APBB1IP: variants seen among roughly 807,000 people sequenced by gnomAD.
APBB1IP encodes the protein amyloid beta A4 precursor protein-binding family B member 1-interacting protein.
APBB1IP carries 27 observed loss-of-function variants against 64.9 expected under a neutral mutation model. The ratio of observed to expected loss-of-function variants is 0.42; its 90% CI spans 0.31 to 0.57. APBB1IP has a LOEUF of 0.57. APBB1IP is among the 20% of genes least tolerant of loss of function. The probability of loss-of-function intolerance (pLI) is 0.20; values close to 1 mark genes in which losing one functional copy is unlikely to be tolerated. For missense variants in APBB1IP, 812 were observed against 845.5 expected (o/e 0.96, Z 0.49); for synonymous variants, 392 against 331.0 (o/e 1.18, Z -2.00).
chr10:26,451,056 T>C (rs535869780), intron 2 of APBB1IP, among the ~76,000 whole-genome samples: 1 of 152,198 alleles, frequency 6.6e-6, no homozygotes, highest in East Asian at 1.9e-4. Context: ...TTAACTATTA[T>C]AGATTGGCAA....
At position 26,533,458 on chromosome 10, in the gene APBB1IP, G is replaced by A. The variant is rs774280231; in HGVS notation, c.833G>A (p.Arg278Lys). The A allele has an allele frequency of 1.3e-5, 21 of 1,599,114 alleles. No individual in the cohort carries two copies. The highest frequency in any genetic ancestry group is 1.8e-5 in the Non-Finnish European group (21 of 1,171,498). ...ATTTAGAATTTCTACTTGGATAACA[G>A]AGGAAAAAAAGAAAGCAAGGAAACT... ...KNPQNFYLDNRGKKESKETNE... is the reference protein window; with the variant it reads ...KNPQNFYLDNKGKKESKETNE... The change falls in exon 9 of 15, where the codon AGA becomes AAA. Residue 278 changes from arginine (R) to lysine (K), a missense_variant. Arg to Lys is a conservative substitution (Grantham distance 26). Around this residue, in one of 3 missense-constraint regions of APBB1IP, gnomAD observed 394 missense variants for 413.1 expected, o/e 0.95. Coordinates refer to ENST00000376236, the MANE Select transcript of APBB1IP (RefSeq NM_019043.4).
intron 8 of APBB1IP, among the ~76,000 whole-genome samples, chr10:26,529,211 G>A (rs1400165705): frequency 6.6e-6 from 1 of 152,206 alleles, no homozygotes; most frequent in African/African-American, 2.4e-5. Context: ...AGGATATAAT[G>A]ACTAAACGTT....
At chr10:26,459,747 A>G (rs1031719914) in intron 2 of APBB1IP, among the ~76,000 whole-genome samples, 1 of 152,024 alleles carries the variant, frequency 6.6e-6, no homozygotes, top group African/African-American at 2.4e-5. Context: ...CATTTTCATT[A>G]TTGTTGTATC....
At chr10:26,476,429 A>G (rs1835775918) in intron 2 of APBB1IP, among the ~76,000 whole-genome samples, 1 of 131,466 alleles carries the variant, frequency 7.6e-6, no homozygotes, top group Non-Finnish European at 1.6e-5. Context: ...TCTGTGTGAC[A>G]GAGCAAGACC....
chr10:26,567,800 G>A lies in APBB1IP; in HGVS notation c.*312G>A, dbSNP rs1837077079. On this transcript the variant is annotated 3_prime_UTR_variant, in exon 15 of 15. Transcript: ENST00000376236. The stretch of plus-strand genomic sequence containing the variant: ...TCAAATAAAAGTTAAACGTTTTTCC[G>A]GAAGACGGTATTTCTAGAAAGATTA... The A allele has an allele frequency of 2.0e-5, 7 of 345,674 alleles. No individual in the cohort carries two copies. The highest frequency in any genetic ancestry group is 1.4e-4 in the South Asian group (5 of 36,136). The allele number at this position is 345,674 out of a possible 1,614,324, so 21.4% of individuals were successfully genotyped here. A position where few individuals can be genotyped will look rare whatever the true frequency, so the allele number is the denominator to read the frequency against.
intron 11 of APBB1IP, among the ~76,000 whole-genome samples, chr10:26,551,416 G>A (rs1564376391): frequency 6.6e-6 from 1 of 152,172 alleles, no homozygotes; most frequent in Admixed American, 6.5e-5. Flanking sequence ...CCGTCCAACT[G>A]CGGTTTCACT....
chr10:26,470,437 G>C (rs1006431419), intron 2 of APBB1IP, among the ~76,000 whole-genome samples: 1 of 152,162 alleles, frequency 6.6e-6, no homozygotes, highest in Non-Finnish European at 1.5e-5. Context: ...TACTAGGGAG[G>C]CTGAGGCAGG....
At chr10:26,535,507 A>G (rs1348191505) in intron 9 of APBB1IP, among the ~76,000 whole-genome samples, 1 of 152,154 alleles carries the variant, frequency 6.6e-6, no homozygotes, top group East Asian at 1.9e-4. Flanking sequence ...TTAAGTTATT[A>G]TTGACTATAG....
intron 2 of APBB1IP, among the ~76,000 whole-genome samples, chr10:26,464,852 A>T (rs910074827): frequency 1.3e-5 from 2 of 152,230 alleles, no homozygotes; most frequent in Non-Finnish European, 2.9e-5. Flanking sequence ...TTCACACCTA[A>T]TAAGTTTTCT....
intron 14 of APBB1IP, among the ~76,000 whole-genome samples, chr10:26,563,492 C>A (rs1326754321): frequency 6.6e-6 from 1 of 152,042 alleles, no homozygotes; most frequent in Non-Finnish European, 1.5e-5. Context: ...TGGTATAATT[C>A]TCCATAAAAT....
chr10:26,506,250 TGG>T (rs60855722), intron 6 of APBB1IP, among the ~76,000 whole-genome samples: 2,411 of 62,424 alleles, frequency 0.039, 90 homozygotes, highest in African/African-American at 0.14. Context: ...CGTGTGTGTG[TGG>T]GGGGGGGGGG....
chr10:26,533,414 T>A, intron 8 of APBB1IP, 25 bp from the exon 9 acceptor site: 1 of 1,454,386 alleles, frequency 6.9e-7, no homozygotes, highest in Non-Finnish European at 9.5e-7. Flanking sequence ...CACTTACTGA[T>A]CTGATCTTTT....
At chr10:26,521,223 G>A (rs1185631097) in intron 8 of APBB1IP, among the ~76,000 whole-genome samples, 2 of 152,166 alleles carry the variant, frequency 1.3e-5, no homozygotes, top group African/African-American at 4.8e-5. Flanking sequence ...TGGTGAGGGT[G>A]CAAGACCATC....
intron 3 of APBB1IP, among the ~76,000 whole-genome samples, chr10:26,494,587 G>A (rs2132432267): frequency 6.6e-6 from 1 of 152,268 alleles, no homozygotes. Flanking sequence ...CAGCACTTTG[G>A]GAGGCCGAGG....
intron 9 of APBB1IP, among the ~76,000 whole-genome samples, chr10:26,535,250 T>C (rs1836606040): frequency 6.6e-6 from 1 of 152,118 alleles, no homozygotes; most frequent in South Asian, 2.1e-4. Context: ...AACTGCCTTC[T>C]TCCTTCTTTG....
At chr10:26,512,795 T>G (rs1836277529) in intron 7 of APBB1IP, among the ~76,000 whole-genome samples, 1 of 152,156 alleles carries the variant, frequency 6.6e-6, no homozygotes, top group Non-Finnish European at 1.5e-5. Flanking sequence ...GACAGTCGTC[T>G]CTCAGGAGAG....
chr10:26,536,601 T>TC (rs1179459340), intron 10 of APBB1IP, among the ~76,000 whole-genome samples: 4 of 151,352 alleles, frequency 2.6e-5, no homozygotes, highest in Admixed American at 6.6e-5. Flanking sequence ...TTCTTTTTTT[T>TC]TTTTTCTTTT....
At chr10:26,511,640 A>G in intron 6 of APBB1IP, 107 bp from the exon 7 acceptor site, 1 of 1,341,848 alleles carries the variant, frequency 7.5e-7, no homozygotes, top group South Asian at 1.4e-5. Flanking sequence ...TTCACCAAAC[A>G]CATTCTTACA....
chr10:26,443,950 G>T (rs1007325285), intron 2 of APBB1IP, among the ~76,000 whole-genome samples: 10 of 152,186 alleles, frequency 6.6e-5, no homozygotes, highest in African/African-American at 2.4e-4. Flanking sequence ...CTGCATTTGT[G>T]GAGTTTATTC....
Sources: allele counts gnomAD v4.1 joint callset (sites outside exome capture counted in the v4.1 genomes callset), GRCh38; gene constraint gnomAD v4.1.1; regional missense constraint gnomAD v4.1.1; transcripts MANE v1.5; gene names NCBI Gene and HGNC (gene_info 2026-07-23, HGNC 2026-07-21).